NECAB1: variants seen among roughly 807,000 people sequenced by gnomAD.
NECAB1 encodes N-terminal EF-hand calcium binding protein 1.
In NECAB1, 29 loss-of-function variants were observed where a neutral mutation model predicts 57.5. The observed-to-expected ratio is 0.50, with a 90% confidence interval of 0.38 to 0.69. The LOEUF is 0.69. Ranked by LOEUF, NECAB1 falls within the 30% of genes least tolerant of loss-of-function variation. The pLI is 0.00. For missense variants in NECAB1, 372 were observed against 413.8 expected (o/e 0.90, Z 0.88); for synonymous variants, 142 against 147.7 (o/e 0.96, Z 0.28).
chr8:90,906,120 C>A (rs1053886115), intron 5 of NECAB1, among the ~76,000 whole-genome samples: 1 of 151,968 alleles, frequency 6.6e-6, no homozygotes, highest in Non-Finnish European at 1.5e-5. Flanking sequence ...CTGATTAAAT[C>A]ATTGGGGATT....
intron 3 of NECAB1, among the ~76,000 whole-genome samples, chr8:90,839,198 C>T (rs534664997): frequency 6.6e-5 from 10 of 152,114 alleles, no homozygotes; most frequent in Admixed American, 2.6e-4. Flanking sequence ...GTTTAAATAT[C>T]GGAAGAGGCT....
At chr8:90,818,596 A>G (rs532356772) in intron 2 of NECAB1, among the ~76,000 whole-genome samples, 7 of 152,096 alleles carry the variant, frequency 4.6e-5, no homozygotes, top group African/African-American at 1.4e-4. Flanking sequence ...TGTAACTGCA[A>G]TTCTTCTCCT....
intron 5 of NECAB1, among the ~76,000 whole-genome samples, chr8:90,909,540 C>A (rs1312586790): frequency 6.6e-6 from 1 of 151,936 alleles, no homozygotes; most frequent in East Asian, 1.9e-4. Context: ...TTTCGGGGAC[C>A]GTTTATACTT....
At chr8:90,802,354 C>T (rs1811771877) in intron 2 of NECAB1, among the ~76,000 whole-genome samples, 1 of 152,216 alleles carries the variant, frequency 6.6e-6, no homozygotes, top group African/African-American at 2.4e-5. Flanking sequence ...ATGATGACTG[C>T]ACAACATCTA....
Position 90,956,013 on chromosome 8 carries a change from A to G in NECAB1, c.*501A>G, listed in dbSNP as rs1455797671. ...CATCCCCAACCCAACTCACAGCCCT[A>G]TGACTACTATCTTTGCATTAGTTAA... On this transcript the variant is annotated 3_prime_UTR_variant, in exon 13 of 13. Transcript: ENST00000417640. The G allele has an allele frequency of 2.0e-5, 3 of 152,434 alleles. No homozygotes were observed. The highest frequency in any genetic ancestry group is 2.9e-5 in the Non-Finnish European group (2 of 68,230). 9.4% of individuals were successfully genotyped at this position (152,434 alleles called of 1,614,324 possible). A position where few individuals can be genotyped will look rare whatever the true frequency, so the allele number is the denominator to read the frequency against.
chr8:90,957,761 TAA>T lies in NECAB1; in HGVS notation c.*2250_*2251del, dbSNP rs1284336457. 2.0e-5 allele frequency: 3 copies of T among 146,726 alleles called. No individual in the cohort carries two copies. The highest frequency in any genetic ancestry group is 2.0e-4 in the East Asian group (1 of 4,988). The allele number at this position is 146,726 out of a possible 1,614,324, so 9.1% of individuals were successfully genotyped here. ...AAATATCTCATCCTAAAGTAAACAA[TAA>T]GTTTATAGTTAACGAAGATTTTTTT... On this transcript the variant is annotated 3_prime_UTR_variant, in exon 13 of 13. Coordinates refer to ENST00000417640, the MANE Select transcript of NECAB1 (RefSeq NM_022351.5).
intron 1 of NECAB1, among the ~76,000 whole-genome samples, chr8:90,796,846 C>G (rs1215308056): frequency 6.6e-6 from 1 of 152,166 alleles, no homozygotes; most frequent in East Asian, 1.9e-4. Context: ...ATTATAAGAA[C>G]TGTCTTAATA....
intron 5 of NECAB1, among the ~76,000 whole-genome samples, chr8:90,895,542 G>A (rs908769859): frequency 7.9e-5 from 12 of 152,160 alleles, no homozygotes; most frequent in African/African-American, 2.9e-4. Context: ...AATATAATAG[G>A]AAACAAAAAT....
intron 2 of NECAB1, among the ~76,000 whole-genome samples, chr8:90,811,245 C>T (rs75672037): frequency 0.11 from 17,218 of 152,166 alleles, 1,525 homozygotes; most frequent in African/African-American, 0.25. Flanking sequence ...GCCACTGCAC[C>T]TGGCGAAAAT....
At chr8:90,844,240 C>A (rs944861640) in intron 3 of NECAB1, among the ~76,000 whole-genome samples, 1 of 152,104 alleles carries the variant, frequency 6.6e-6, no homozygotes, top group African/African-American at 2.4e-5. Flanking sequence ...CATGATGCAT[C>A]AGCAGGGGTG....
intron 3 of NECAB1, among the ~76,000 whole-genome samples, chr8:90,837,866 T>G (rs755212561): frequency 1.4e-4 from 22 of 152,184 alleles, no homozygotes; most frequent in African/African-American, 2.2e-4. Flanking sequence ...AGTCATTGAG[T>G]TTTTGTTTTA....
intron 6 of NECAB1, among the ~76,000 whole-genome samples, chr8:90,924,937 CATATACTGTATATAGTATATAAG>C (rs1810222591): frequency 1.3e-5 from 2 of 151,492 alleles, no homozygotes; most frequent in African/African-American, 4.8e-5. Context: ...CAGTATATAA[CATATACTGTATATAGTATATAAG>C]ATATACTGTA....
chr8:90,836,615 C>T (rs73692712), intron 3 of NECAB1, among the ~76,000 whole-genome samples: 208 of 152,256 alleles, frequency 1.4e-3, no homozygotes, highest in African/African-American at 4.7e-3. Flanking sequence ...ATTTTGACTT[C>T]AGAGTGGCAC....
intron 12 of NECAB1, among the ~76,000 whole-genome samples, chr8:90,952,874 T>C (rs1810949320): frequency 6.6e-6 from 1 of 152,200 alleles, no homozygotes; most frequent in South Asian, 2.1e-4. Flanking sequence ...GCAAGCTTTG[T>C]ACATAGAATG....
At chr8:90,802,805 G>T (rs2130645293) in intron 2 of NECAB1, among the ~76,000 whole-genome samples, 1 of 152,312 alleles carries the variant, frequency 6.6e-6, no homozygotes, top group Admixed American at 6.5e-5. Flanking sequence ...GTGTTGTGGT[G>T]ATTGATATAT....
chr8:90,804,755 C>T (rs969430051), intron 2 of NECAB1, among the ~76,000 whole-genome samples: 2 of 152,220 alleles, frequency 1.3e-5, no homozygotes, highest in African/African-American at 4.8e-5. Context: ...CCTTACTCTT[C>T]TCCCTCATTC....
At chr8:90,823,265 G>C (rs551667663) in intron 2 of NECAB1, among the ~76,000 whole-genome samples, 4 of 151,794 alleles carry the variant, frequency 2.6e-5, no homozygotes, top group African/African-American at 7.3e-5. Context: ...TGTCTGCCCA[G>C]TTAAACGTTA....
chr8:90,949,914 G>A, intron 11 of NECAB1, 30 bp downstream of exon 11: 1 of 1,391,774 alleles, frequency 7.2e-7, no homozygotes, highest in South Asian at 1.3e-5. Flanking sequence ...GATTTTATGT[G>A]AAGCCAGGAA....
chr8:90,926,220 G>T (rs1203259136), intron 7 of NECAB1, among the ~76,000 whole-genome samples: 2 of 152,102 alleles, frequency 1.3e-5, no homozygotes, highest in Non-Finnish European at 2.9e-5. Context: ...CTAAATATTG[G>T]AGTAATTTTT....
Sources: allele counts gnomAD v4.1 joint callset (sites outside exome capture counted in the v4.1 genomes callset), GRCh38; gene constraint gnomAD v4.1.1; transcripts MANE v1.5; gene names NCBI Gene and HGNC (gene_info 2026-07-23, HGNC 2026-07-21).